FAM20A: variants seen among roughly 807,000 people sequenced by gnomAD.
FAM20A encodes the protein FAM20A golgi associated secretory pathway pseudokinase, also known as pseudokinase FAM20A.
Under a neutral mutation model 52.0 loss-of-function variants are expected in FAM20A, and 42 were observed. That is an observed-to-expected ratio of 0.81 (90% CI 0.63 to 1.04). The LOEUF (loss-of-function observed/expected upper bound fraction) is 1.04, where lower values mean the gene tolerates loss of function less well. Among genes scored for constraint, FAM20A ranks in the 50% least tolerant of loss-of-function variants. FAM20A has a pLI of 0.00. For synonymous variants in FAM20A, 304 were observed against 298.9 expected, an observed-to-expected ratio of 1.02 and a Z score of -0.18; for missense variants, 742 against 712.7, an observed-to-expected ratio of 1.04 and a Z score of -0.47.
In FAM20A at chr17:68,552,849, T is replaced by G. The variant is rs933972408; in HGVS notation, c.641-898A>C. On this transcript the variant is annotated intron_variant, in intron 3 of 10. Coordinates refer to ENST00000592554, the MANE Select transcript of FAM20A (RefSeq NM_017565.4). ...GGCGCCCGCCACCGCGCCCGGCTAA[T>G]TTTTTGTATTTTTAGTAGAGACGGG... 2.9e-5 allele frequency among the ~76,000 whole-genome samples: 4 copies of G among 138,390 alleles called. No individual in the cohort carries two copies. The East Asian group carries it at 8.1e-4, about 28-fold the overall frequency. 90.8% of individuals were successfully genotyped at this position (138,390 alleles called of 152,430 possible). A position where few individuals can be genotyped will look rare whatever the true frequency, so the allele number is the denominator to read the frequency against.
At chr17:68,569,537 C>T (rs1411946818) in intron 1 of FAM20A, among the ~76,000 whole-genome samples, 1 of 152,192 alleles carries the variant, frequency 6.6e-6, no homozygotes, top group Non-Finnish European at 1.5e-5. Context: ...GGCCAATATG[C>T]AATAGCTACT....
chr17:68,573,216 AC>A (rs1472313632), intron 1 of FAM20A, among the ~76,000 whole-genome samples: 4 of 152,230 alleles, frequency 2.6e-5, no homozygotes, highest in African/African-American at 9.6e-5. Context: ...TCTGCCACTC[AC>A]AGCTGTGTGA....
intron 1 of FAM20A, among the ~76,000 whole-genome samples, chr17:68,592,877 T>C (rs1377327744): frequency 1.3e-5 from 2 of 152,244 alleles, no homozygotes; most frequent in Non-Finnish European, 2.9e-5. Context: ...AACAGGCTTT[T>C]CCCTGGGACT....
intron 1 of FAM20A, among the ~76,000 whole-genome samples, chr17:68,575,791 T>TACACACACACACACACAC (rs761949775): frequency 0.022 from 2,313 of 104,142 alleles, 62 homozygotes; most frequent in East Asian, 0.043. Flanking sequence ...TTTTATATTA[T>TACACACACACACACACAC]ACACACACAC....
At chr17:68,578,695 T>A (rs1396835133) in intron 1 of FAM20A, among the ~76,000 whole-genome samples, 1 of 151,836 alleles carries the variant, frequency 6.6e-6, no homozygotes, top group African/African-American at 2.4e-5. Context: ...CTTGGATTTT[T>A]AAAAATGTCT....
intron 1 of FAM20A, among the ~76,000 whole-genome samples, chr17:68,564,196 C>A (rs1046974174): frequency 1.3e-5 from 2 of 152,136 alleles, no homozygotes; most frequent in African/African-American, 4.8e-5. Flanking sequence ...AATGAGAAGA[C>A]TGAAGATAGG....
intron 1 of FAM20A, among the ~76,000 whole-genome samples, chr17:68,595,209 A>T (rs939237274): frequency 6.6e-5 from 10 of 152,254 alleles, no homozygotes; most frequent in African/African-American, 2.4e-4. Context: ...GTTGTTAGGA[A>T]CAATGGAACA....
chr17:68,544,937 G>A (rs2086478685), intron 4 of FAM20A, among the ~76,000 whole-genome samples: 1 of 152,146 alleles, frequency 6.6e-6, no homozygotes, highest in South Asian at 2.1e-4. Flanking sequence ...CTTTAGATCA[G>A]TGCTTCTCAT....
Position 68,535,751 on chromosome 17 carries a change from A to G in FAM20A, c.*1726T>C, listed in dbSNP as rs1268368742. ...GGTCTCGAGCTCCTGAGACCAAGCG[A>G]TCTGCCTGTTTAGGCCCAAAGTGCT... On this transcript the variant is annotated 3_prime_UTR_variant, in exon 11 of 11. Transcript: ENST00000592554. 2.2e-6 allele frequency: 1 copy of G among 452,598 alleles called. No individual in the cohort carries two copies. Among genetic ancestry groups the G allele is most frequent in the East Asian group, 7.0e-5 (1 of 14,370 alleles). 28.0% of individuals were successfully genotyped at this position (452,598 alleles called of 1,614,324 possible).
rs1238903477 is a variant in FAM20A, at chr17:68,539,411, A to C, written c.1302-15T>G. ...GTCGTCCGAACCTAGGAGGAGAAAC[A>C]GGCTTTTATGGGTGGCCGGCAGCAT... is the stretch of plus-strand genomic sequence containing the variant. On this transcript the variant is annotated splice_polypyrimidine_tract_variant and intron_variant, in intron 9 of 10. Transcript: ENST00000592554. The C allele has an allele frequency of 2.5e-6, 4 of 1,613,658 alleles. No homozygotes were observed. Among genetic ancestry groups the C allele is most frequent in the Middle Eastern group, 3.3e-4 (2 of 6,048 alleles).
At chr17:68,552,047 C>T in intron 3 of FAM20A, 96 bp from the exon 4 acceptor site, 2 of 784,662 alleles carry the variant, frequency 2.5e-6, no homozygotes, top group Admixed American at 4.0e-5. Context: ...CTTCGCTTTC[C>T]TCTTATGTAA....
chr17:68,558,746 CCTTT>C (rs939766556), intron 1 of FAM20A, among the ~76,000 whole-genome samples: 1 of 152,036 alleles, frequency 6.6e-6, no homozygotes, highest in African/African-American at 2.4e-5. Flanking sequence ...CTCCCTCCCT[CCTTT>C]CTCTTTCCTT....
chr17:68,564,090 C>T (rs2087302733), intron 1 of FAM20A, among the ~76,000 whole-genome samples: 1 of 152,136 alleles, frequency 6.6e-6, no homozygotes, highest in Non-Finnish European at 1.5e-5. Context: ...ACCAGTGGAG[C>T]ATCAAAAATC....
intron 1 of FAM20A, among the ~76,000 whole-genome samples, chr17:68,585,657 G>A (rs3744505): frequency 0.034 from 5,207 of 152,208 alleles, 128 homozygotes; most frequent in East Asian, 0.12. Flanking sequence ...TTCATGGAGG[G>A]CTGCCCAAAG....
chr17:68,543,692 T>A lies in FAM20A; in HGVS notation c.749A>T (p.Asp250Val). Reference sequence around the variant, plus strand: ...CTGAAAGTCAATGAAGTAGAAGAAGTCCACTGGTGTCTCCTCATCTCGCTG... The same window carrying A: ...CTGAAAGTCAATGAAGTAGAAGAAGACCACTGGTGTCTCCTCATCTCGCTG... ...RQQRDEETPV[D>V]FFYFIDFQRH... Residue 250 changes from aspartate (D) to valine (V), a missense_variant, in exon 5 of 11, where the codon GAC (aspartate) becomes GTC (valine). Transcript: ENST00000592554. The A allele has an allele frequency of 6.2e-7, 1 of 1,614,028 alleles. No homozygotes were observed. The highest frequency in any genetic ancestry group is 1.1e-5 in the South Asian group (1 of 91,072).
intron 1 of FAM20A, chr17:68,574,931 AC>A (rs202065547): frequency 6.6e-6 from 1 of 152,096 alleles, no homozygotes; most frequent in Non-Finnish European, 1.5e-5. Context: ...AATTACAAGA[AC>A]CCTTATAAAA....
intron 1 of FAM20A, among the ~76,000 whole-genome samples, chr17:68,597,221 CAA>C (rs542367925): frequency 1.7e-4 from 22 of 132,368 alleles, no homozygotes; most frequent in African/African-American, 3.3e-4. Flanking sequence ...GTCAAAATTA[CAA>C]AAAAAAAAAA....
In FAM20A at chr17:68,543,671, A is replaced by AATTTTC; in HGVS notation, c.769_770insGAAAAT (p.Asp256_Phe257insTer). 1 of 1,614,130 alleles carries AATTTTC rather than the reference A, an allele frequency of 6.2e-7. No individual in the cohort carries two copies. The highest frequency in any genetic ancestry group is 8.5e-7 in the Non-Finnish European group (1 of 1,180,018). ...TGCGATCTCAGCATTGTGTCTCTGAAAGTCAATGAAGTAGAAGAAGTCCAC... is the reference window on the plus strand; with the variant it reads ...TGCGATCTCAGCATTGTGTCTCTGAAATTTTCAGTCAATGAAGTAGAAGAAGTCCAC... On this transcript the variant is annotated stop_gained, in exon 5 of 11. Coordinates refer to ENST00000592554, the MANE Select transcript of FAM20A (RefSeq NM_017565.4). LOFTEE classifies it high-confidence loss of function.
chr17:68,571,759 G>C (rs547968612), intron 1 of FAM20A, among the ~76,000 whole-genome samples: 1 of 151,924 alleles, frequency 6.6e-6, no homozygotes, highest in East Asian at 1.9e-4. Flanking sequence ...TGACACGGAA[G>C]GATTCAGGTT....
Sources: gnomAD v4.1 joint callset for allele counts (sites outside exome capture counted in the v4.1 genomes callset) on GRCh38, gnomAD v4.1.1 for gene constraint, MANE v1.5 for transcripts, NCBI Gene and HGNC (gene_info 2026-07-23, HGNC 2026-07-21) for gene names.